The following DYM variants were observed in gnomAD, a reference collection of about 807,000 sequenced individuals.
DYM encodes the protein dyggve-Melchior-Clausen syndrome protein.
DYM carries 78 observed loss-of-function variants against 93.1 expected under a neutral mutation model. That is an observed-to-expected ratio of 0.84 (90% CI 0.70 to 1.01). The LOEUF (loss-of-function observed/expected upper bound fraction) is 1.01. Among genes scored for constraint, DYM ranks in the 50% least tolerant of loss-of-function variants. DYM has a pLI of 0.00. For synonymous variants in DYM, 321 were observed against 319.7 expected (o/e 1.00, Z -0.04); for missense variants, 789 against 845.0 (o/e 0.93, Z 0.82).
rs546293424 is a variant in DYM, at chr18:49,339,939, T to TTTTG, written c.495-6090_495-6087dup. On this transcript the variant is annotated intron_variant, in intron 6 of 17. Coordinates refer to ENST00000675505, the MANE Select transcript of DYM (RefSeq NM_001353214.3). ...GCAGGTTTTGGGTTTTTTTGGGGTT[T>TTTTG]TTTGTTTGTTTGTTTGTTTGTTTGT... 8.3e-3 allele frequency among the ~76,000 whole-genome samples: 1,257 copies of TTTTG among 151,854 alleles called. 10 individuals carry two copies. The highest frequency in any genetic ancestry group is 0.012 in the Non-Finnish European group (821 of 67,908).
intron 14 of DYM, among the ~76,000 whole-genome samples, chr18:49,190,352 G>C (rs1047577502): frequency 1.3e-5 from 2 of 152,050 alleles, no homozygotes; most frequent in African/African-American, 4.8e-5. Flanking sequence ...TGGTTACATT[G>C]CTATCTTTAA....
In DYM at chr18:49,044,046, A is replaced by G; in HGVS notation, c.*9T>C. 1.2e-6 allele frequency: 2 copies of G among 1,612,960 alleles called. No homozygotes were observed. Among genetic ancestry groups the G allele is most frequent in the South Asian group, 2.2e-5 (2 of 91,018 alleles). On this transcript the variant is annotated 3_prime_UTR_variant, in exon 18 of 18. Transcript: ENST00000675505. The stretch of plus-strand genomic sequence containing the variant: ...GCTGGAGGGGTCCGGGTGGGAGAGC[A>G]TCCTGCCCTCAGTCGGAATCCATGG...
intron 13 of DYM, among the ~76,000 whole-genome samples, chr18:49,250,662 G>A (rs897672703): frequency 1.5e-4 from 23 of 152,216 alleles, no homozygotes; most frequent in African/African-American, 5.3e-4. Context: ...AGTTGAAGAA[G>A]CCACTGCAGG....
At chr18:49,240,762 C>T (rs1216381064) in intron 13 of DYM, among the ~76,000 whole-genome samples, 1 of 152,184 alleles carries the variant, frequency 6.6e-6, no homozygotes, top group Non-Finnish European at 1.5e-5. Context: ...AACTCTATCA[C>T]ACACCTGCTT....
At chr18:49,370,134 T>C (rs1442341666) in intron 5 of DYM, among the ~76,000 whole-genome samples, 5 of 151,852 alleles carry the variant, frequency 3.3e-5, no homozygotes, top group African/African-American at 2.4e-5. Flanking sequence ...AAAAATCAGC[T>C]GGGCATGGTG....
chr18:49,281,970 G>C (rs368610649), intron 10 of DYM, 27 bp downstream of exon 10: 2 of 1,603,048 alleles, frequency 1.2e-6, no homozygotes, highest in East Asian at 2.2e-5. Context: ...AAATACAAAC[G>C]CATGGAATGT....
chr18:49,251,907 T>A (rs2094296171), intron 13 of DYM, among the ~76,000 whole-genome samples: 1 of 152,052 alleles, frequency 6.6e-6, no homozygotes, highest in Admixed American at 6.6e-5. Flanking sequence ...TAGTCAGTTC[T>A]CACGCTGCTA....
chr18:49,062,791 G>A (rs182905217), intron 17 of DYM, among the ~76,000 whole-genome samples: 10 of 152,302 alleles, frequency 6.6e-5, no homozygotes, highest in Middle Eastern at 3.4e-3. Context: ...AGAAAAAGTC[G>A]CTCCCCTTCA....
rs1179526038 is a variant in DYM at position 49,037,451 on chromosome 18, C to T, written c.*6604G>A. On this transcript the variant is annotated 3_prime_UTR_variant, in exon 18 of 18. Transcript: ENST00000675505. ...GGAGGAAGGGAAGGAGAGAGGGAAG[C>T]AAGTGCTGAAAAACTTTCTATTGGG... is the stretch of plus-strand genomic sequence containing the variant. 6.6e-6 allele frequency among the ~76,000 whole-genome samples: 1 copy of T among 152,164 alleles called. No homozygotes were observed. Among genetic ancestry groups the T allele is most frequent in the East Asian group, 1.9e-4 (1 of 5,178 alleles).
At chr18:49,078,788 A>C (rs2145089270) in intron 17 of DYM, among the ~76,000 whole-genome samples, 1 of 152,372 alleles carries the variant, frequency 6.6e-6, no homozygotes, top group East Asian at 1.9e-4. Context: ...ATATTTACTT[A>C]GATATTTACT....
chr18:49,341,766 G>A lies in DYM; in HGVS notation c.495-7913C>T, dbSNP rs531517493. 4.6e-5 allele frequency among the ~76,000 whole-genome samples: 7 copies of A among 152,254 alleles called. No individual in the cohort carries two copies. In the South Asian group the frequency reaches 6.2e-4, roughly 14 times the overall value. ...TAGACCATGAGTTTGGGGAAGTCAG[G>A]AGCCTTTCTTATTCCTAGCTCCTCC... On this transcript the variant is annotated intron_variant, in intron 6 of 17. Transcript: ENST00000675505.
chr18:49,165,456 C>T (rs762443540), intron 14 of DYM, among the ~76,000 whole-genome samples: 24 of 151,894 alleles, frequency 1.6e-4, no homozygotes, highest in Middle Eastern at 3.4e-3. Flanking sequence ...TTTAGTAATC[C>T]CCTTACAAAT....
intron 17 of DYM, chr18:49,048,486 T>C (rs558970805): frequency 6.6e-6 from 1 of 152,340 alleles, no homozygotes; most frequent in East Asian, 1.9e-4. Flanking sequence ...CTTTTCTCCA[T>C]TCAGTGACTT....
chr18:49,134,567 T>C (rs1255668739), intron 15 of DYM, among the ~76,000 whole-genome samples: 1 of 152,180 alleles, frequency 6.6e-6, no homozygotes, highest in Non-Finnish European at 1.5e-5. Flanking sequence ...TGAATCTACC[T>C]CACAGTTTAA....
chr18:49,272,405 G>A lies in DYM; in HGVS notation c.1126-102C>T, dbSNP rs754453369. On this transcript the variant is annotated intron_variant, in intron 10 of 17. Transcript: ENST00000675505. ...TTTTGTGCTCTTTGCTTTAATATCA[G>A]TTATATTTTTCATTAGAGAAAAAAC... 7.2e-4 allele frequency: 596 copies of A among 828,008 alleles called. 2 individuals are homozygous for A. The highest frequency in any genetic ancestry group is 5.5e-4 in the Non-Finnish European group (288 of 520,244). 51.3% of individuals were successfully genotyped at this position (828,008 alleles called of 1,614,324 possible). A position where few individuals can be genotyped will look rare whatever the true frequency, so the allele number is the denominator to read the frequency against.
At chr18:49,392,116 T>C (rs113369983) in intron 2 of DYM, among the ~76,000 whole-genome samples, 1,743 of 152,240 alleles carry the variant, frequency 0.011, 32 homozygotes, top group African/African-American at 0.04. Flanking sequence ...AGAGAGACGA[T>C]ACATATATGT....
intron 8 of DYM, among the ~76,000 whole-genome samples, chr18:49,316,358 G>A (rs970808384): frequency 2.0e-5 from 3 of 152,110 alleles, no homozygotes; most frequent in Admixed American, 1.3e-4. Context: ...AAAAGAAAGG[G>A]AATGTAAGTT....
At chr18:49,222,568 C>T (rs1467143659) in intron 13 of DYM, among the ~76,000 whole-genome samples, 1 of 151,904 alleles carries the variant, frequency 6.6e-6, no homozygotes, top group African/African-American at 2.4e-5. Flanking sequence ...CAATCAGAAA[C>T]CAAAAAGAAT....
intron 11 of DYM, among the ~76,000 whole-genome samples, chr18:49,270,225 A>C (rs1017905135): frequency 6.6e-6 from 1 of 152,262 alleles, no homozygotes; most frequent in African/African-American, 2.4e-5. Flanking sequence ...TAAGTAGTGC[A>C]TGGTTGTATA....
Sources: allele counts gnomAD v4.1 joint callset (sites outside exome capture counted in the v4.1 genomes callset), GRCh38; gene constraint gnomAD v4.1.1; transcripts MANE v1.5; gene names NCBI Gene and HGNC (gene_info 2026-07-23, HGNC 2026-07-21).